AUTS2: variants seen among roughly 807,000 people sequenced by gnomAD.
AUTS2 encodes the protein activator of transcription and developmental regulator AUTS2.
Under a neutral mutation model 112.4 loss-of-function variants are expected in AUTS2, and 17 were observed. The observed-to-expected ratio is 0.15, with a 90% CI of 0.10 to 0.23. The LOEUF (loss-of-function observed/expected upper bound fraction) is 0.23, where lower values mean the gene tolerates loss of function less well. Among genes scored for constraint, AUTS2 ranks in the 10% least tolerant of loss-of-function variants. AUTS2 has a pLI of 1.00. For missense variants in AUTS2, 1,510 were observed against 1,701.6 expected (o/e 0.89, Z 1.98); for synonymous variants, 751 against 702.7 (o/e 1.07, Z -1.09).
intron 3 of AUTS2, among the ~76,000 whole-genome samples, chr7:70,130,020 T>C (rs992660491): frequency 4.6e-5 from 7 of 152,176 alleles, no homozygotes; most frequent in Middle Eastern, 3.4e-3. Context: ...GATCTGTGAA[T>C]GAGCTTGTTT....
intron 6 of AUTS2, among the ~76,000 whole-genome samples, chr7:70,756,134 T>G (rs1218174570): frequency 2.0e-5 from 3 of 152,226 alleles, no homozygotes. Flanking sequence ...TTGTATACAT[T>G]TACACACGTA....
chr7:70,456,558 C>G (rs1796748248), intron 5 of AUTS2, among the ~76,000 whole-genome samples: 2 of 152,246 alleles, frequency 1.3e-5, no homozygotes, highest in Admixed American at 1.3e-4. Flanking sequence ...GGGCCAGAAG[C>G]CACTAGCAGG....
chr7:70,585,432 C>A (rs1044491074), intron 5 of AUTS2, among the ~76,000 whole-genome samples: 4 of 152,202 alleles, frequency 2.6e-5, no homozygotes, highest in African/African-American at 9.6e-5. Context: ...ATTTGACTGA[C>A]CAGGAAACTG....
chr7:69,630,039 G>C (rs1295331372), intron 1 of AUTS2, among the ~76,000 whole-genome samples: 2 of 152,134 alleles, frequency 1.3e-5, no homozygotes, highest in Non-Finnish European at 2.9e-5. Context: ...TGGATCACCT[G>C]AGGTCAGGAG....
intron 4 of AUTS2, among the ~76,000 whole-genome samples, chr7:70,432,136 A>G (rs2130827653): frequency 6.6e-6 from 1 of 152,348 alleles, no homozygotes; most frequent in East Asian, 1.9e-4. Flanking sequence ...CGTCACCTCA[A>G]GCTGGTAGTT....
intron 4 of AUTS2, among the ~76,000 whole-genome samples, chr7:70,165,386 ATAAAG>A (rs1562755134): frequency 6.6e-6 from 1 of 152,216 alleles, no homozygotes; most frequent in African/African-American, 2.4e-5. Context: ...AAAATCAAAG[ATAAAG>A]AAGTCTTGAA....
At chr7:70,204,378 T>G (rs1167995452) in intron 4 of AUTS2, among the ~76,000 whole-genome samples, 2 of 152,230 alleles carry the variant, frequency 1.3e-5, no homozygotes, top group Non-Finnish European at 2.9e-5. Context: ...GAAGTCATTT[T>G]TCTTTAAAAT....
chr7:70,042,058 A>G (rs929880391), intron 2 of AUTS2, among the ~76,000 whole-genome samples: 1 of 152,066 alleles, frequency 6.6e-6, no homozygotes, highest in African/African-American at 2.4e-5. Flanking sequence ...TTGCTGTTTC[A>G]TTCATTCATT....
At chr7:69,699,913 G>A (rs1797734710) in intron 1 of AUTS2, among the ~76,000 whole-genome samples, 1 of 152,132 alleles carries the variant, frequency 6.6e-6, no homozygotes, top group Non-Finnish European at 1.5e-5. Flanking sequence ...CCAAAGTGCT[G>A]GGATTACAGG....
chr7:69,771,528 T>G (rs1197418005), intron 1 of AUTS2, among the ~76,000 whole-genome samples: 16 of 152,066 alleles, frequency 1.1e-4, no homozygotes, highest in Non-Finnish European at 1.5e-5. Context: ...CCTGCAGCAG[T>G]AGAAGTGACA....
intron 6 of AUTS2, among the ~76,000 whole-genome samples, chr7:70,723,166 C>T (rs1053005182): frequency 1.3e-5 from 2 of 152,126 alleles, no homozygotes; most frequent in African/African-American, 4.8e-5. Flanking sequence ...GGAGATTTTC[C>T]TTTTGGAACT....
intron 2 of AUTS2, among the ~76,000 whole-genome samples, chr7:70,025,586 G>C (rs1273841402): frequency 1.3e-5 from 2 of 151,310 alleles, no homozygotes; most frequent in African/African-American, 4.9e-5. Flanking sequence ...CAAGTAGCTG[G>C]GATTACAGGC....
intron 1 of AUTS2, among the ~76,000 whole-genome samples, chr7:69,614,991 A>G (rs1365605454): frequency 6.6e-6 from 1 of 152,262 alleles, no homozygotes; most frequent in Non-Finnish European, 1.5e-5. Flanking sequence ...AAATTTAAAT[A>G]TAACTGTAAA....
chr7:70,095,324 G>A (rs1265191190), intron 2 of AUTS2, among the ~76,000 whole-genome samples: 1 of 152,144 alleles, frequency 6.6e-6, no homozygotes, highest in Non-Finnish European at 1.5e-5. Flanking sequence ...GTTAAGGTTT[G>A]GAAATACGTG....
intron 1 of AUTS2, among the ~76,000 whole-genome samples, chr7:69,749,920 A>G (rs1787663835): frequency 6.6e-6 from 1 of 152,210 alleles, no homozygotes; most frequent in South Asian, 2.1e-4. Flanking sequence ...GCAGGAAAAG[A>G]AAAGGCCACA....
At chr7:70,321,484 A>C (rs1326233138) in intron 4 of AUTS2, among the ~76,000 whole-genome samples, 1 of 152,144 alleles carries the variant, frequency 6.6e-6, no homozygotes, top group Non-Finnish European at 1.5e-5. Context: ...AAGCATATGC[A>C]CTCTGATCTT....
At chr7:70,009,601 G>A (rs1230086534) in intron 2 of AUTS2, among the ~76,000 whole-genome samples, 1 of 152,158 alleles carries the variant, frequency 6.6e-6, no homozygotes, top group Non-Finnish European at 1.5e-5. Context: ...CCTACTAAGT[G>A]CAGCTACCAA....
chr7:70,561,646 A>G (rs1801491425), intron 5 of AUTS2, among the ~76,000 whole-genome samples: 2 of 151,900 alleles, frequency 1.3e-5, no homozygotes, highest in African/African-American at 4.8e-5. Flanking sequence ...TATTAGGCTG[A>G]CTCCTAGGAA....
chr7:70,174,733 A>G (rs567921259), intron 4 of AUTS2, among the ~76,000 whole-genome samples: 47 of 152,358 alleles, frequency 3.1e-4, no homozygotes, highest in African/African-American at 1.0e-3. Flanking sequence ...CTGGGATGAC[A>G]GCACATCTGT....
Sources: gnomAD v4.1 joint callset for allele counts (sites outside exome capture counted in the v4.1 genomes callset) on GRCh38, gnomAD v4.1.1 for gene constraint, MANE v1.5 for transcripts, NCBI Gene and HGNC (gene_info 2026-07-23, HGNC 2026-07-21) for gene names.